The following ARFGEF1 variants were observed in gnomAD, a reference collection of about 807,000 sequenced individuals.
ARFGEF1 encodes the protein brefeldin A-inhibited guanine nucleotide-exchange protein 1.
ARFGEF1 carries 42 observed loss-of-function variants against 231.0 expected under a neutral mutation model. The observed-to-expected ratio is 0.18, with a 90% CI of 0.14 to 0.24. The LOEUF (loss-of-function observed/expected upper bound fraction) is 0.24. Ranked by LOEUF, ARFGEF1 falls within the 10% of genes least tolerant of loss-of-function variation. The pLI is 1.00. For synonymous variants in ARFGEF1, 710 were observed against 732.3 expected (o/e 0.97, Z 0.49); for missense variants, 1,345 against 2,192.0 (o/e 0.61, Z 7.72).
At chr8:67,311,520 G>A (rs1380789542) in intron 1 of ARFGEF1, among the ~76,000 whole-genome samples, 1 of 143,154 alleles carries the variant, frequency 7.0e-6, no homozygotes, top group East Asian at 2.2e-4. Flanking sequence ...GGTGGGGGGG[G>A]GTCAGCCCCC....
At chr8:67,327,857 T>A (rs900174739) in intron 1 of ARFGEF1, among the ~76,000 whole-genome samples, 2 of 152,366 alleles carry the variant, frequency 1.3e-5, no homozygotes, top group East Asian at 1.9e-4. Flanking sequence ...TAGTACTTTG[T>A]AACATTCCCT....
intron 1 of ARFGEF1, among the ~76,000 whole-genome samples, chr8:67,342,048 T>G (rs1249274355): frequency 2.6e-5 from 4 of 152,258 alleles, no homozygotes; most frequent in African/African-American, 9.6e-5. Flanking sequence ...TCTAGACTCC[T>G]TAACTCTAGC....
At chr8:67,190,051 A>G (rs1835788263) in intron 5 of ARFGEF1, among the ~76,000 whole-genome samples, 2 of 152,328 alleles carry the variant, frequency 1.3e-5, no homozygotes, top group South Asian at 2.1e-4. Context: ...AGAGTTAACC[A>G]TAATACCCAG....
intron 1 of ARFGEF1, among the ~76,000 whole-genome samples, chr8:67,324,224 G>A (rs1197281866): frequency 1.3e-5 from 2 of 152,178 alleles, no homozygotes; most frequent in East Asian, 1.9e-4. Flanking sequence ...AACATGGGAG[G>A]CAGAGTTTGC....
chr8:67,226,242 A>C, intron 27 of ARFGEF1, 59 bp from the exon 28 acceptor site: 1 of 1,343,218 alleles, frequency 7.4e-7, no homozygotes, highest in Non-Finnish European at 9.9e-7. Flanking sequence ...GCTGTACCAA[A>C]AATACACCAA....
At chr8:67,286,707 A>G (rs1364283400) in intron 7 of ARFGEF1, among the ~76,000 whole-genome samples, 1 of 152,106 alleles carries the variant, frequency 6.6e-6, no homozygotes, top group Non-Finnish European at 1.5e-5. Flanking sequence ...TTTTTAATAT[A>G]TATTTTAAAT....
At chr8:67,229,754 G>A (rs1839495794) in intron 23 of ARFGEF1, among the ~76,000 whole-genome samples, 1 of 152,050 alleles carries the variant, frequency 6.6e-6, no homozygotes. Context: ...TCTCATGGAA[G>A]GCAATGGCTG....
At chr8:67,239,196 C>T (rs1341405450) in intron 20 of ARFGEF1, among the ~76,000 whole-genome samples, 2 of 151,542 alleles carry the variant, frequency 1.3e-5, no homozygotes, top group Non-Finnish European at 2.9e-5. Context: ...TTAGTAGAGA[C>T]GGGGTTTCAC....
intron 18 of ARFGEF1, among the ~76,000 whole-genome samples, chr8:67,252,664 CA>C (rs767981445): frequency 2.0e-5 from 3 of 152,074 alleles, no homozygotes; most frequent in Non-Finnish European, 4.4e-5. Flanking sequence ...TTCCTGTAGT[CA>C]GATTTCAGCT....
intron 5 of ARFGEF1, among the ~76,000 whole-genome samples, chr8:67,184,735 A>C (rs529323120): frequency 6.8e-6 from 1 of 147,674 alleles, no homozygotes; most frequent in South Asian, 2.1e-4. Context: ...AAAAATAATA[A>C]TAAAAAAATA....
chr8:67,180,164 C>T (rs1364324711), intron 5 of ARFGEF1, among the ~76,000 whole-genome samples: 2 of 152,144 alleles, frequency 1.3e-5, no homozygotes, highest in Non-Finnish European at 2.9e-5. Context: ...GTAACAGCCT[C>T]ATTTCTAATG....
intron 5 of ARFGEF1, among the ~76,000 whole-genome samples, chr8:67,296,085 A>C (rs1587248394): frequency 1.3e-5 from 2 of 152,304 alleles, no homozygotes; most frequent in African/African-American, 4.8e-5. Flanking sequence ...TTAATGAATA[A>C]TTTTATTTCA....
chr8:67,340,834 T>C (rs1449249438), intron 1 of ARFGEF1, among the ~76,000 whole-genome samples: 1 of 152,106 alleles, frequency 6.6e-6, no homozygotes, highest in Non-Finnish European at 1.5e-5. Flanking sequence ...AAGTAAAAAC[T>C]GTCAAAATCT....
chr8:67,292,724 A>G (rs913147248), intron 5 of ARFGEF1, among the ~76,000 whole-genome samples: 3 of 152,142 alleles, frequency 2.0e-5, no homozygotes, highest in African/African-American at 7.2e-5. Context: ...TGTATATAAT[A>G]CTATCTGTAA....
At chr8:67,179,234 G>C (rs1481906834) in intron 5 of ARFGEF1, among the ~76,000 whole-genome samples, 1 of 152,040 alleles carries the variant, frequency 6.6e-6, no homozygotes, top group African/African-American at 2.4e-5. Flanking sequence ...ATTATAATAA[G>C]CCCAATCTTA....
At chr8:67,226,312 AC>A in intron 27 of ARFGEF1, 129 bp from the exon 28 acceptor site, 1 of 849,234 alleles carries the variant, frequency 1.2e-6, no homozygotes. Flanking sequence ...TCCAACAGAT[AC>A]GAAGTTCAAG....
In ARFGEF1 at chr8:67,253,823, C is replaced by T. The variant is rs568779572; in HGVS notation, c.2527-201G>A. 3.3e-5 allele frequency among the ~76,000 whole-genome samples: 5 copies of T among 152,182 alleles called. 1 individual carries two copies. The East Asian group carries it at 9.6e-4, about 29-fold the overall frequency. ...CAGAAAAGATCCATTCTGGCATAAA[C>T]TAATTCATGCTCTGAGGTGGACATG... On this transcript the variant is annotated intron_variant, in intron 17 of 38. Transcript: ENST00000262215.
intron 5 of ARFGEF1, among the ~76,000 whole-genome samples, chr8:67,296,106 A>C (rs530889229): frequency 6.6e-6 from 1 of 152,284 alleles, no homozygotes; most frequent in Admixed American, 6.5e-5. Context: ...GATTAGATTA[A>C]GTATTTTATA....
chr8:67,192,856 TTCTTA>T (rs1836768665), downstream of ARFGEF1, among the ~76,000 whole-genome samples: 1 of 152,230 alleles, frequency 6.6e-6, no homozygotes, highest in South Asian at 2.1e-4. Flanking sequence ...TACATGTCTT[TTCTTA>T]TGTCAGTACC....
Sources: gnomAD v4.1 joint callset for allele counts (sites outside exome capture counted in the v4.1 genomes callset) on GRCh38, gnomAD v4.1.1 for gene constraint, MANE v1.5 for transcripts, NCBI Gene and HGNC (gene_info 2026-07-23, HGNC 2026-07-21) for gene names.